OTUD7A: variants seen among roughly 807,000 people sequenced by gnomAD.
OTUD7A encodes the protein OTU domain-containing protein 7A.
A neutral mutation model predicts 65.7 loss-of-function variants in OTUD7A; 12 were observed. That is an observed-to-expected ratio of 0.18 (90% CI 0.12 to 0.30). The LOEUF is 0.30. Ranked by LOEUF, OTUD7A falls within the 10% of genes least tolerant of loss-of-function variation. OTUD7A has a pLI of 1.00. For synonymous variants in OTUD7A, 641 were observed against 586.3 expected (o/e 1.09, Z -1.35); for missense variants, 1,148 against 1,304.8 (o/e 0.88, Z 1.85).
At chr15:31,590,501 A>T (rs1192962348) in intron 3 of OTUD7A, among the ~76,000 whole-genome samples, 8 of 152,194 alleles carry the variant, frequency 5.3e-5, no homozygotes, top group Non-Finnish European at 1.2e-4. Context: ...ATCATTCATC[A>T]CGTGATGGAA....
intron 3 of OTUD7A, among the ~76,000 whole-genome samples, chr15:31,609,803 G>A (rs1339856678): frequency 3.9e-5 from 6 of 152,056 alleles, no homozygotes; most frequent in African/African-American, 9.7e-5. Context: ...AGCTAAGAAC[G>A]CTCACAGAGT....
intron 1 of OTUD7A, among the ~76,000 whole-genome samples, chr15:31,735,852 C>G (rs962421437): frequency 6.6e-6 from 1 of 152,142 alleles, no homozygotes; most frequent in Non-Finnish European, 1.5e-5. Flanking sequence ...AAATGTGGTA[C>G]ATAAACATCA....
intron 1 of OTUD7A, among the ~76,000 whole-genome samples, chr15:31,741,215 G>T (rs1394923905): frequency 6.6e-6 from 1 of 152,190 alleles, no homozygotes; most frequent in African/African-American, 2.4e-5. Context: ...ATGGTTAGGA[G>T]ATTTAACACA....
chr15:31,659,438 C>T (rs954076084), intron 1 of OTUD7A, among the ~76,000 whole-genome samples: 8 of 152,266 alleles, frequency 5.3e-5, no homozygotes, highest in Admixed American at 1.3e-4. Context: ...TAAGGTGAGG[C>T]GAGGAGGCAC....
chr15:31,480,264 C>A lies in OTUD7A; in HGVS notation c.*3030G>T, dbSNP rs1380260980. 6.6e-6 allele frequency: 1 copy of A among 152,188 alleles called. No homozygotes were observed. The highest frequency in any genetic ancestry group is 2.4e-5 in the African/African-American group (1 of 41,424). The allele number at this position is 152,188 out of a possible 1,614,324, so 9.4% of individuals were successfully genotyped here. ...ACAGAATACACTGAAAAACACCTTC[C>A]CTTAACAATATTTTAAAAAAATCAT... is the stretch of plus-strand genomic sequence containing the variant. On this transcript the variant is annotated 3_prime_UTR_variant, in exon 13 of 13. Transcript: ENST00000307050.
chr15:31,810,212 GTGCAGGTGGGACAACAGGGA>G (rs770856728), intron 1 of OTUD7A, among the ~76,000 whole-genome samples: 17 of 152,186 alleles, frequency 1.1e-4, no homozygotes, highest in Non-Finnish European at 2.2e-4. Flanking sequence ...TACAGAGAAG[GTGCAGGTGGGACAACAGGGA>G]TGCTAAGGTG....
intron 8 of OTUD7A, among the ~76,000 whole-genome samples, chr15:31,504,709 C>A: frequency 6.7e-6 from 1 of 149,106 alleles, no homozygotes; most frequent in East Asian, 1.9e-4. Context: ...GCAGGTGGGG[C>A]CAGGGCTGGC....
chr15:31,624,561 A>G (rs1180431727), intron 3 of OTUD7A, among the ~76,000 whole-genome samples: 2 of 152,226 alleles, frequency 1.3e-5, no homozygotes, highest in Admixed American at 6.5e-5. Flanking sequence ...GAAAATGACC[A>G]TTGATGAAGG....
chr15:31,695,453 AAC>A (rs1458920529), intron 1 of OTUD7A, among the ~76,000 whole-genome samples: 1 of 143,876 alleles, frequency 7.0e-6, no homozygotes, highest in African/African-American at 2.5e-5. Context: ...TCTTGTGGGT[AAC>A]AGTCATCCAA....
intron 3 of OTUD7A, among the ~76,000 whole-genome samples, chr15:31,607,175 A>T (rs1890262004): frequency 6.6e-6 from 1 of 152,224 alleles, no homozygotes; most frequent in Non-Finnish European, 1.5e-5. Flanking sequence ...CCCCATTGGG[A>T]ATATTGCCAG....
chr15:31,704,120 T>C (rs1893274466), intron 1 of OTUD7A, among the ~76,000 whole-genome samples: 1 of 123,528 alleles, frequency 8.1e-6, no homozygotes, highest in Non-Finnish European at 1.7e-5. Flanking sequence ...ATGGAAATGT[T>C]CTACATATTG....
chr15:31,681,945 A>G (rs1892727383), intron 1 of OTUD7A, among the ~76,000 whole-genome samples: 1 of 152,116 alleles, frequency 6.6e-6, no homozygotes, highest in Non-Finnish European at 1.5e-5. Context: ...TATGATGCTT[A>G]GAGCTATGAG....
At chr15:31,827,383 A>G (rs1425141258) in intron 1 of OTUD7A, among the ~76,000 whole-genome samples, 1 of 152,218 alleles carries the variant, frequency 6.6e-6, no homozygotes, top group East Asian at 1.9e-4. Flanking sequence ...CGTATTCACT[A>G]CCATGTGAAC....
intron 1 of OTUD7A, among the ~76,000 whole-genome samples, chr15:31,786,410 C>T (rs1307776402): frequency 1.3e-5 from 2 of 152,194 alleles, no homozygotes; most frequent in African/African-American, 4.8e-5. Flanking sequence ...GCAAAGAGGC[C>T]AGGAATGTGG....
At chr15:31,556,500 C>T (rs937140064) in intron 5 of OTUD7A, 24 of 152,148 alleles carry the variant, frequency 1.6e-4, no homozygotes, top group Middle Eastern at 3.2e-3. Context: ...TCTTAAAATG[C>T]TAGTCTGGAA....
At chr15:31,635,601 T>A (rs529030106) in intron 3 of OTUD7A, among the ~76,000 whole-genome samples, 3 of 152,270 alleles carry the variant, frequency 2.0e-5, no homozygotes, top group African/African-American at 7.2e-5. Flanking sequence ...CCTGGATGTT[T>A]TAGAAAGCAG....
intron 3 of OTUD7A, among the ~76,000 whole-genome samples, chr15:31,597,561 G>A (rs1889943484): frequency 6.6e-6 from 1 of 151,730 alleles, no homozygotes; most frequent in Non-Finnish European, 1.5e-5. Flanking sequence ...CCTTGGTGCA[G>A]GCCTCTCTCT....
chr15:31,559,777 G>A (rs972013863), intron 4 of OTUD7A, among the ~76,000 whole-genome samples: 1 of 151,982 alleles, frequency 6.6e-6, no homozygotes, highest in Admixed American at 6.5e-5. Context: ...AGGACACACA[G>A]CGCACATACA....
chr15:31,806,665 C>T (rs1181854086), intron 1 of OTUD7A, among the ~76,000 whole-genome samples: 3 of 152,242 alleles, frequency 2.0e-5, no homozygotes, highest in Non-Finnish European at 4.4e-5. Context: ...TCAAGTAGCA[C>T]AGCCAAAGTC....
Sources: gnomAD v4.1 joint callset for allele counts (sites outside exome capture counted in the v4.1 genomes callset) on GRCh38, gnomAD v4.1.1 for gene constraint, MANE v1.5 for transcripts, NCBI Gene and HGNC (gene_info 2026-07-23, HGNC 2026-07-21) for gene names.